CA13: variants seen among roughly 807,000 people sequenced by gnomAD.
CA13 encodes the protein carbonic anhydrase 13.
CA13 carries 21 observed loss-of-function variants against 31.5 expected under a neutral mutation model. The observed-to-expected ratio is 0.67, with a 90% CI of 0.47 to 0.96. The LOEUF (loss-of-function observed/expected upper bound fraction) is 0.96. Among genes scored for constraint, CA13 ranks in the 40% least tolerant of loss-of-function variants. The pLI is 0.00. For missense variants in CA13, 315 were observed against 318.9 expected, an observed-to-expected ratio of 0.99 and a Z score of 0.09; for synonymous variants, 117 against 111.4, an observed-to-expected ratio of 1.05 and a Z score of -0.32.
At chr8:85,253,301 A>G (rs909603198) in intron 2 of CA13, among the ~76,000 whole-genome samples, 1 of 146,972 alleles carries the variant, frequency 6.8e-6, no homozygotes. Flanking sequence ...GTCTCGCTCC[A>G]TTGCCTAGGC....
At chr8:85,272,849 G>A (rs764512381) in intron 6 of CA13, among the ~76,000 whole-genome samples, 40 of 151,936 alleles carry the variant, frequency 2.6e-4, no homozygotes, top group African/African-American at 6.5e-4. Context: ...AAGGAGTCTC[G>A]CTTTGTTGCC....
At chr8:85,276,655 T>C (rs1216053259) in intron 6 of CA13, among the ~76,000 whole-genome samples, 3 of 151,948 alleles carry the variant, frequency 2.0e-5, no homozygotes, top group East Asian at 3.9e-4. Context: ...ATGTAGCTAC[T>C]CTGGTGGGGA....
intron 6 of CA13, among the ~76,000 whole-genome samples, chr8:85,276,770 C>G (rs537471432): frequency 2.6e-5 from 4 of 152,030 alleles, no homozygotes; most frequent in African/African-American, 7.3e-5. Flanking sequence ...CTTTGTTTAG[C>G]TCAGGGTTTG....
intron 2 of CA13, 147 bp downstream of exon 2, chr8:85,251,084 C>T: frequency 1.5e-6 from 1 of 680,824 alleles, no homozygotes; most frequent in Non-Finnish European, 2.5e-6. Flanking sequence ...TTATTGCAAC[C>T]TCCGCCTCCT....
At position 85,271,411 on chromosome 8, in the gene CA13, C is replaced by A. The variant is rs77333476; in HGVS notation, c.669+2784C>A. Among the ~76,000 whole-genome samples, 21 of 152,280 alleles carry A rather than the reference C, an allele frequency of 1.4e-4. No individual in the cohort carries two copies. In the East Asian group the frequency reaches 4.1e-3, roughly 29 times the overall value. On this transcript the variant is annotated intron_variant, in intron 6 of 6. Coordinates refer to ENST00000321764, the MANE Select transcript of CA13 (RefSeq NM_198584.3). ...GGGCAAATCAGATGTTTTTCATTTT[C>A]TTTTTCTTGATTTAAGTCCATTTTT...
At chr8:85,248,985 G>T (rs1384632022) in intron 1 of CA13, among the ~76,000 whole-genome samples, 1 of 152,186 alleles carries the variant, frequency 6.6e-6, no homozygotes. Flanking sequence ...GAAAGATGGT[G>T]AAAGTATTGA....
intron 2 of CA13, among the ~76,000 whole-genome samples, chr8:85,257,619 G>T (rs924554516): frequency 1.3e-5 from 2 of 150,994 alleles, no homozygotes; most frequent in East Asian, 1.9e-4. Context: ...AGCCCCAGCC[G>T]CTAGGGAGGC....
chr8:85,268,575 A>C lies in CA13; in HGVS notation c.617A>C (p.Glu206Ala), dbSNP rs1282834292. ...PGSLTVPPLL[E>A]SVTWIVLKQP... ...TCTCTTACAGTTCCACCTCTTCTTG[A>C]GAGTGTCACATGGATTGTTTTAAAG... Residue 206 changes from glutamate to alanine, a missense_variant, in exon 6 of 7, where the codon GAG becomes GCG. Coordinates refer to ENST00000321764, the MANE Select transcript of CA13 (RefSeq NM_198584.3). 1 of 1,613,770 alleles carries C rather than the reference A, an allele frequency of 6.2e-7. No individual in the cohort carries two copies. The highest frequency in any genetic ancestry group is 8.5e-7 in the Non-Finnish European group (1 of 1,179,904).
intron 6 of CA13, among the ~76,000 whole-genome samples, chr8:85,280,001 G>T (rs1363734937): frequency 6.6e-6 from 1 of 151,930 alleles, no homozygotes; most frequent in Admixed American, 6.6e-5. Flanking sequence ...CCTCAAAATG[G>T]CCGGGTGCAG....
intron 2 of CA13, among the ~76,000 whole-genome samples, chr8:85,255,616 A>G (rs1288287797): frequency 6.6e-6 from 1 of 152,116 alleles, no homozygotes; most frequent in Non-Finnish European, 1.5e-5. Flanking sequence ...GGCCTCAAGT[A>G]ATCCACCCGC....
chr8:85,277,426 T>C (rs570255678), intron 6 of CA13, among the ~76,000 whole-genome samples: 3 of 152,036 alleles, frequency 2.0e-5, no homozygotes, highest in African/African-American at 7.2e-5. Flanking sequence ...AGGAGGAAAC[T>C]CTGAGCACAT....
In CA13 at chr8:85,278,265, C is replaced by CAAA. The variant is rs1012685036; in HGVS notation, c.670-2944_670-2942dup. 1.1e-3 allele frequency among the ~76,000 whole-genome samples: 81 copies of CAAA among 76,828 alleles called. 2 individuals are homozygous for CAAA. Among genetic ancestry groups the CAAA allele is most frequent in the African/African-American group, 3.4e-3 (64 of 18,756 alleles). 50.4% of individuals were successfully genotyped at this position (76,828 alleles called of 152,430 possible). Reference sequence around the variant, plus strand: ...TGGGTGACAGAGCAAGACTCTATCTCAAAAAAAAAAAAAAAAAAAAAAAGT... The same window carrying CAAA: ...TGGGTGACAGAGCAAGACTCTATCTCAAAAAAAAAAAAAAAAAAAAAAAAAAGT... On this transcript the variant is annotated intron_variant, in intron 6 of 6. Transcript: ENST00000321764.
intron 6 of CA13, among the ~76,000 whole-genome samples, chr8:85,280,798 G>T (rs1807691710): frequency 6.6e-6 from 1 of 152,176 alleles, no homozygotes; most frequent in African/African-American, 2.4e-5. Flanking sequence ...AGGTTGATAT[G>T]TATTGGCATG....
chr8:85,274,051 A>C (rs1356059206), intron 6 of CA13, among the ~76,000 whole-genome samples: 3 of 151,894 alleles, frequency 2.0e-5, no homozygotes, highest in Non-Finnish European at 2.9e-5. Context: ...TGCTTCTGCT[A>C]TCTTGCTGAC....
At chr8:85,248,300 A>G (rs1813764912) in intron 1 of CA13, among the ~76,000 whole-genome samples, 1 of 152,036 alleles carries the variant, frequency 6.6e-6, no homozygotes, top group African/African-American at 2.4e-5. Flanking sequence ...TCTACTAAAA[A>G]TACAAAATTA....
rs921983587 is a variant in CA13 at position 85,281,169 on chromosome 8, G to T, written c.670-61G>T. 3 of 1,583,390 alleles carry T rather than the reference G, an allele frequency of 1.9e-6. No individual in the cohort carries two copies. In the South Asian group the frequency reaches 3.4e-5, roughly 18 times the overall value. ...TATAGATATATCTTCTTTATGCAGGGTAATTCATTAATATTGGTGGGAATT... is the reference window on the plus strand; with the variant it reads ...TATAGATATATCTTCTTTATGCAGGTTAATTCATTAATATTGGTGGGAATT... On this transcript the variant is annotated intron_variant, in intron 6 of 6. Transcript: ENST00000321764.
intron 3 of CA13, among the ~76,000 whole-genome samples, chr8:85,261,025 A>G (rs947721341): frequency 6.6e-6 from 1 of 152,214 alleles, no homozygotes; most frequent in African/African-American, 2.4e-5. Context: ...CATATGTCAG[A>G]GGCTCAGAGT....
chr8:85,247,911 A>G (rs1345181850), intron 1 of CA13, among the ~76,000 whole-genome samples: 1 of 62,556 alleles, frequency 1.6e-5, no homozygotes. Context: ...TTTTCTGTTT[A>G]AACATTGGTA....
intron 1 of CA13, 129 bp downstream of exon 1, chr8:85,245,994 T>A: frequency 1.7e-6 from 1 of 572,762 alleles, no homozygotes; most frequent in Non-Finnish European, 2.9e-6. Flanking sequence ...CTCTTTAAAC[T>A]AAGCAGCACT....
Sources: gnomAD v4.1 joint callset for allele counts (sites outside exome capture counted in the v4.1 genomes callset) on GRCh38, gnomAD v4.1.1 for gene constraint, MANE v1.5 for transcripts, NCBI Gene and HGNC (gene_info 2026-07-23, HGNC 2026-07-21) for gene names.